The following CFAP54 variants were observed in gnomAD, a reference collection of about 807,000 sequenced individuals.
CFAP54 encodes the protein cilia- and flagella-associated protein 54.
In CFAP54, 290 loss-of-function variants were observed where a neutral mutation model predicts 370.4. The observed-to-expected ratio is 0.78, with a 90% CI of 0.71 to 0.86. The LOEUF (loss-of-function observed/expected upper bound fraction) is 0.86. Ranked by LOEUF, CFAP54 falls within the 40% of genes least tolerant of loss-of-function variation. CFAP54 has a pLI of 0.00. For missense variants in CFAP54, 3,399 were observed against 3,528.7 expected (o/e 0.96, Z 0.93); for synonymous variants, 1,206 against 1,236.5 (o/e 0.98, Z 0.52).
At chr12:96,750,317 T>C (rs1444390109) in intron 55 of CFAP54, among the ~76,000 whole-genome samples, 2 of 150,086 alleles carry the variant, frequency 1.3e-5, no homozygotes, top group Admixed American at 6.7e-5. Flanking sequence ...GCAGCAGCTC[T>C]GGAGAAGCTG....
chr12:96,504,609 A>G (rs1024101791), intron 3 of CFAP54, among the ~76,000 whole-genome samples: 1 of 152,164 alleles, frequency 6.6e-6, no homozygotes, highest in African/African-American at 2.4e-5. Context: ...AGGAAATGGA[A>G]GTTTATTAGC....
rs576961520 is a variant in CFAP54, at chr12:96,505,224, C to T, written c.567+1195C>T. Among the ~76,000 whole-genome samples, 13 of 151,506 alleles carry T rather than the reference C, an allele frequency of 8.6e-5. 1 individual carries two copies. The highest frequency in any genetic ancestry group is 6.3e-4 in the South Asian group (3 of 4,776). The stretch of plus-strand genomic sequence containing the variant: ...GATTACAGGCGCATACCACCATGCC[C>T]GGCTAATTTTTGTATTTTTAGTAGA... On this transcript the variant is annotated intron_variant, in intron 3 of 67. Coordinates refer to ENST00000524981, the MANE Select transcript of CFAP54 (RefSeq NM_001306084.2).
intron 65 of CFAP54, among the ~76,000 whole-genome samples, chr12:96,827,099 AATTATATGTGATTATATATAATG>A (rs1959126518): frequency 4.0e-5 from 5 of 123,960 alleles, no homozygotes; most frequent in African/African-American, 1.5e-4. Context: ...TATAATGTGC[AATTATATGTGATTATATATAATG>A]TGCAATTATA....
At chr12:96,624,278 C>A (rs867346541) in intron 28 of CFAP54, among the ~76,000 whole-genome samples, 4 of 152,244 alleles carry the variant, frequency 2.6e-5, no homozygotes, top group Middle Eastern at 3.4e-3. Flanking sequence ...CACACCACCC[C>A]CTAGTTGTGA....
intron 63 of CFAP54, among the ~76,000 whole-genome samples, chr12:96,803,180 T>A (rs1396532109): frequency 6.6e-6 from 1 of 152,202 alleles, no homozygotes; most frequent in African/African-American, 2.4e-5. Context: ...TATAATCCTT[T>A]GGGTATATAC....
rs1955975246 is a variant in CFAP54 at position 96,576,317 on chromosome 12, C to T, written c.2620-268C>T. Among the ~76,000 whole-genome samples, 7 of 151,242 alleles carry T rather than the reference C, an allele frequency of 4.6e-5. No individual in the cohort carries two copies. The Admixed American group carries it at 4.6e-4, about 10-fold the overall frequency. On this transcript the variant is annotated intron_variant, in intron 19 of 67. Coordinates refer to ENST00000524981, the MANE Select transcript of CFAP54 (RefSeq NM_001306084.2). ...AAGGTTCAATTTAAAAATGTACTAC[C>T]TCATATTCATGTATGATAATAATGA...
intron 66 of CFAP54, among the ~76,000 whole-genome samples, chr12:96,846,511 G>T (rs1167320438): frequency 6.6e-6 from 1 of 152,178 alleles, no homozygotes; most frequent in Non-Finnish European, 1.5e-5. Flanking sequence ...ACACAGTAGG[G>T]TGTCAGATTT....
chr12:96,641,775 G>A (rs898959780), intron 32 of CFAP54, among the ~76,000 whole-genome samples: 3 of 152,280 alleles, frequency 2.0e-5, no homozygotes, highest in East Asian at 1.9e-4. Context: ...CATGTCCTTC[G>A]TAGGGACATG....
At chr12:96,591,676 T>C (rs1298611064) in intron 23 of CFAP54, among the ~76,000 whole-genome samples, 6 of 151,752 alleles carry the variant, frequency 4.0e-5, no homozygotes, top group Non-Finnish European at 5.9e-5. Context: ...GATCACGAGG[T>C]CAGGAGATCG....
At chr12:96,667,613 G>A (rs771069898) in intron 39 of CFAP54, among the ~76,000 whole-genome samples, 207 of 152,172 alleles carry the variant, frequency 1.4e-3, no homozygotes, top group Non-Finnish European at 2.4e-3. Context: ...GCTGCACACA[G>A]CAGTGGGGCC....
At chr12:96,556,848 A>G (rs1955757802) in intron 17 of CFAP54, among the ~76,000 whole-genome samples, 1 of 152,180 alleles carries the variant, frequency 6.6e-6, no homozygotes, top group African/African-American at 2.4e-5. Context: ...CGAGAGCTAA[A>G]TGATAAGAAC....
chr12:96,717,000 G>T (rs749024553), intron 48 of CFAP54, among the ~76,000 whole-genome samples: 3 of 152,140 alleles, frequency 2.0e-5, no homozygotes, highest in Admixed American at 6.5e-5. Context: ...ATGTAGAGTG[G>T]CAGGCAGGTA....
At chr12:96,506,849 A>G (rs1345420123) in intron 3 of CFAP54, 79 bp from the exon 4 acceptor site, 2 of 1,295,638 alleles carry the variant, frequency 1.5e-6, no homozygotes, top group Admixed American at 2.8e-5. Context: ...GGCCTCCCTA[A>G]GTGCTGGGAT....
intron 48 of CFAP54, among the ~76,000 whole-genome samples, chr12:96,715,233 A>G (rs967981071): frequency 1.3e-5 from 2 of 151,372 alleles, no homozygotes; most frequent in African/African-American, 4.9e-5. Context: ...GGCAGCTTGC[A>G]GAGCCTTTTT....
At chr12:96,744,210 G>A in intron 55 of CFAP54, 64 bp downstream of exon 55, 1 of 1,420,842 alleles carries the variant, frequency 7.0e-7, no homozygotes. Context: ...TTATTTTTAG[G>A]CAGGCTATCA....
intron 46 of CFAP54, among the ~76,000 whole-genome samples, chr12:96,703,680 A>C (rs943951194): frequency 1.3e-4 from 20 of 152,198 alleles, no homozygotes; most frequent in Admixed American, 2.6e-4. Flanking sequence ...GGAAAAAAAA[A>C]CCAAAAATAT....
intron 31 of CFAP54, 34 bp downstream of exon 31, chr12:96,630,238 T>C: frequency 8.8e-7 from 1 of 1,138,836 alleles, no homozygotes; most frequent in Non-Finnish European, 1.2e-6. Context: ...TTTTAGGTAA[T>C]GAAATTAAGA....
In CFAP54 at chr12:96,538,040, C is replaced by T. The variant is rs186453591; in HGVS notation, c.1792-344C>T. ...TGGGATGTGGAGGTGAGATTGCGAGCCGAGATCTTGCCATTGCACTCCAGC... is the reference window on the plus strand; with the variant it reads ...TGGGATGTGGAGGTGAGATTGCGAGTCGAGATCTTGCCATTGCACTCCAGC... On this transcript the variant is annotated intron_variant, in intron 12 of 67. Transcript: ENST00000524981. 1.7e-3 allele frequency among the ~76,000 whole-genome samples: 251 copies of T among 152,016 alleles called. 1 individual carries two copies. Among genetic ancestry groups the T allele is most frequent in the African/African-American group, 5.7e-3 (236 of 41,468 alleles).
chr12:96,645,250 T>C (rs1956775252), intron 33 of CFAP54: 6 of 424,562 alleles, frequency 1.4e-5, no homozygotes, highest in South Asian at 8.3e-5. Context: ...TGTGTAGCTA[T>C]TAAAAAGATA....
Sources: allele counts gnomAD v4.1 joint callset (sites outside exome capture counted in the v4.1 genomes callset), GRCh38; gene constraint gnomAD v4.1.1; transcripts MANE v1.5; gene names NCBI Gene and HGNC (gene_info 2026-07-23, HGNC 2026-07-21).